ZFPM2: variants seen among roughly 807,000 people sequenced by gnomAD.
ZFPM2 encodes the protein zinc finger protein ZFPM2.
A neutral mutation model predicts 98.6 loss-of-function variants in ZFPM2; 20 were observed. The ratio of observed to expected loss-of-function variants is 0.20; its 90% CI spans 0.14 to 0.29. ZFPM2 has a LOEUF of 0.29. Among genes scored for constraint, ZFPM2 ranks in the 10% least tolerant of loss-of-function variants. ZFPM2 has a pLI of 1.00. For missense variants in ZFPM2, 1,310 were observed against 1,388.6 expected (o/e 0.94, Z 0.90); for synonymous variants, 518 against 502.7 (o/e 1.03, Z -0.41).
At chr8:105,489,419 CTT>C (rs1179004917) in intron 3 of ZFPM2, among the ~76,000 whole-genome samples, 1 of 137,484 alleles carries the variant, frequency 7.3e-6, no homozygotes, top group Non-Finnish European at 1.5e-5. Context: ...ATAGATATAT[CTT>C]TTATATATAT....
At chr8:105,321,187 A>G (rs374727791) in intron 1 of ZFPM2, among the ~76,000 whole-genome samples, 3 of 152,120 alleles carry the variant, frequency 2.0e-5, no homozygotes, top group Non-Finnish European at 4.4e-5. Flanking sequence ...TTTAGTTGCA[A>G]TCTATTGACG....
chr8:105,355,735 A>G (rs1460685265), intron 1 of ZFPM2, among the ~76,000 whole-genome samples: 2 of 152,234 alleles, frequency 1.3e-5, no homozygotes, highest in African/African-American at 2.4e-5. Flanking sequence ...TGTAGGGAAT[A>G]TGTCCAAAGG....
chr8:105,461,252 C>T (rs1452053215), intron 3 of ZFPM2, among the ~76,000 whole-genome samples: 3 of 152,018 alleles, frequency 2.0e-5, no homozygotes, highest in Non-Finnish European at 4.4e-5. Flanking sequence ...ATTCTTTACT[C>T]TTAAAGTAAG....
At chr8:105,756,133 T>G (rs1293545502) in intron 5 of ZFPM2, among the ~76,000 whole-genome samples, 1 of 152,208 alleles carries the variant, frequency 6.6e-6, no homozygotes, top group East Asian at 1.9e-4. Context: ...AGCCTTATCT[T>G]TCCATTGTGC....
chr8:105,489,889 A>G (rs144450964), intron 3 of ZFPM2, among the ~76,000 whole-genome samples: 1 of 152,242 alleles, frequency 6.6e-6, no homozygotes, highest in African/African-American at 2.4e-5. Context: ...GATTTTAACA[A>G]AGGGGACTCA....
At chr8:105,458,454 C>T (rs78240120) in intron 3 of ZFPM2, among the ~76,000 whole-genome samples, 7,461 of 152,070 alleles carry the variant, frequency 0.049, 670 homozygotes, top group African/African-American at 0.17. Context: ...CCCCCATTAC[C>T]TTTTCCATAT....
chr8:105,349,260 A>G (rs1205089429), intron 1 of ZFPM2, among the ~76,000 whole-genome samples: 4 of 152,212 alleles, frequency 2.6e-5, no homozygotes, highest in Non-Finnish European at 5.9e-5. Context: ...TGAAAATTCA[A>G]TATAACAAGA....
At chr8:105,799,963 C>A (rs1454845112) in intron 7 of ZFPM2, among the ~76,000 whole-genome samples, 1 of 152,144 alleles carries the variant, frequency 6.6e-6, no homozygotes, top group Admixed American at 6.5e-5. Context: ...CATCCTCTTT[C>A]CTCTCCTTAC....
chr8:105,693,552 G>A (rs904780323), intron 5 of ZFPM2, among the ~76,000 whole-genome samples: 5 of 152,136 alleles, frequency 3.3e-5, no homozygotes, highest in African/African-American at 1.2e-4. Flanking sequence ...AAACACAGAA[G>A]ATGCACATAT....
At chr8:105,389,013 C>CGTGTGTGT (rs142145699) in intron 1 of ZFPM2, among the ~76,000 whole-genome samples, 1,425 of 134,876 alleles carry the variant, frequency 0.011, 25 homozygotes, top group African/African-American at 0.026. Context: ...AATTTGATGA[C>CGTGTGTGT]GTGTGTGTGT....
chr8:105,525,750 C>G (rs1335574991), intron 3 of ZFPM2, among the ~76,000 whole-genome samples: 1 of 151,970 alleles, frequency 6.6e-6, no homozygotes, highest in Non-Finnish European at 1.5e-5. Flanking sequence ...AATATATGTC[C>G]CAGTTATCTA....
intron 3 of ZFPM2, among the ~76,000 whole-genome samples, chr8:105,491,009 G>A (rs994053429): frequency 6.6e-6 from 1 of 152,026 alleles, no homozygotes; most frequent in Non-Finnish European, 1.5e-5. Context: ...CACTCTTCTT[G>A]ATATTATGCA....
At chr8:105,529,413 T>A (rs11996171) in intron 3 of ZFPM2, among the ~76,000 whole-genome samples, 3,815 of 152,208 alleles carry the variant, frequency 0.025, 171 homozygotes, top group African/African-American at 0.087. Context: ...ATTACTGTAA[T>A]ATACTATATG....
At chr8:105,426,674 G>A (rs1442814995) in intron 2 of ZFPM2, among the ~76,000 whole-genome samples, 1 of 152,096 alleles carries the variant, frequency 6.6e-6, no homozygotes, top group South Asian at 2.1e-4. Flanking sequence ...ATAGGCCGGG[G>A]CGGTGGCTCA....
chr8:105,783,676 A>G (rs1813328394), intron 5 of ZFPM2, among the ~76,000 whole-genome samples: 1 of 152,156 alleles, frequency 6.6e-6, no homozygotes, highest in Non-Finnish European at 1.5e-5. Flanking sequence ...CACTCAGTAC[A>G]ATGTCCTCAA....
intron 3 of ZFPM2, among the ~76,000 whole-genome samples, chr8:105,476,551 T>A (rs1813016341): frequency 6.6e-6 from 1 of 152,098 alleles, no homozygotes; most frequent in Non-Finnish European, 1.5e-5. Context: ...GAGGCTGTCT[T>A]CTGTCATAGC....
At chr8:105,498,714 G>T (rs753926246) in intron 3 of ZFPM2, among the ~76,000 whole-genome samples, 2 of 152,216 alleles carry the variant, frequency 1.3e-5, no homozygotes, top group Non-Finnish European at 2.9e-5. Flanking sequence ...AGAAAGCTCA[G>T]CATGTTTGGA....
chr8:105,345,908 T>A (rs1293332698), intron 1 of ZFPM2, among the ~76,000 whole-genome samples: 1 of 152,230 alleles, frequency 6.6e-6, no homozygotes, highest in Non-Finnish European at 1.5e-5. Flanking sequence ...TTATTATACT[T>A]ACATACAATG....
intron 3 of ZFPM2, among the ~76,000 whole-genome samples, chr8:105,486,612 A>G (rs1039245557): frequency 2.6e-5 from 4 of 152,184 alleles, no homozygotes; most frequent in African/African-American, 9.6e-5. Flanking sequence ...ACTGTGCGGG[A>G]AAAGAACATC....
Sources: gnomAD v4.1 joint callset for allele counts (sites outside exome capture counted in the v4.1 genomes callset) on GRCh38, gnomAD v4.1.1 for gene constraint, MANE v1.5 for transcripts, NCBI Gene and HGNC (gene_info 2026-07-23, HGNC 2026-07-21) for gene names.